The following CSMD1 variants were observed in gnomAD, a reference collection of about 807,000 sequenced individuals.
CSMD1 encodes the protein CUB and Sushi multiple domains 1.
A neutral mutation model predicts 417.5 loss-of-function variants in CSMD1; 213 were observed. The ratio of observed to expected loss-of-function variants is 0.51; its 90% CI spans 0.46 to 0.57. The LOEUF (loss-of-function observed/expected upper bound fraction) is 0.57, where lower values mean the gene tolerates loss of function less well. CSMD1 is among the 20% of genes least tolerant of loss of function. The probability of loss-of-function intolerance (pLI) is 0.00; values close to 1 mark genes in which losing one functional copy is unlikely to be tolerated. For missense variants in CSMD1, 6,923 were observed against 4,529.7 expected (o/e 1.53, Z -15.17); for synonymous variants, 2,862 against 1,736.8 (o/e 1.65, Z -16.11).
chr8:3,780,526 T>G (rs949598434), intron 5 of CSMD1, among the ~76,000 whole-genome samples: 3 of 152,224 alleles, frequency 2.0e-5, no homozygotes, highest in Non-Finnish European at 4.4e-5. Flanking sequence ...GTGGTACTAC[T>G]GAATTGGATG....
chr8:3,173,169 A>G lies in CSMD1; in HGVS notation c.5725+7941T>C, dbSNP rs192123923. Reference sequence around the variant, plus strand: ...TTGGCACCTGTCCCTTACACTGAGTAATTGTTAAAACGCCAAAATATCACC... The same window carrying G: ...TTGGCACCTGTCCCTTACACTGAGTGATTGTTAAAACGCCAAAATATCACC... On this transcript the variant is annotated intron_variant, in intron 37 of 69. Coordinates refer to ENST00000635120, the MANE Select transcript of CSMD1 (RefSeq NM_033225.6). 3.7e-3 allele frequency among the ~76,000 whole-genome samples: 557 copies of G among 152,342 alleles called. 7 individuals carry two copies. Among genetic ancestry groups the G allele is most frequent in the Non-Finnish European group, 3.3e-3 (227 of 68,036 alleles).
At chr8:4,459,153 C>T (rs991102824) in intron 2 of CSMD1, among the ~76,000 whole-genome samples, 8 of 152,222 alleles carry the variant, frequency 5.3e-5, no homozygotes, top group African/African-American at 1.9e-4. Context: ...TCACAAGCTT[C>T]ATAGGCAAAG....
intron 40 of CSMD1, among the ~76,000 whole-genome samples, chr8:3,144,262 C>A (rs117333031): frequency 0.013 from 1,955 of 147,612 alleles, 22 homozygotes; most frequent in South Asian, 0.035. Flanking sequence ...AAAGGCCTCA[C>A]TTTTTCTGGT....
intron 1 of CSMD1, among the ~76,000 whole-genome samples, chr8:4,937,722 C>T (rs1355242422): frequency 2.0e-5 from 3 of 152,034 alleles, no homozygotes; most frequent in African/African-American, 7.3e-5. Flanking sequence ...TGACTTTACG[C>T]CTGAGCAGAG....
intron 1 of CSMD1, among the ~76,000 whole-genome samples, chr8:4,713,640 A>C (rs1325271616): frequency 6.6e-6 from 1 of 152,124 alleles, no homozygotes; most frequent in Non-Finnish European, 1.5e-5. Context: ...CAATATAAAA[A>C]AGTGGAACGT....
At chr8:3,911,020 C>A (rs1463074890) in intron 5 of CSMD1, among the ~76,000 whole-genome samples, 1 of 152,130 alleles carries the variant, frequency 6.6e-6, no homozygotes, top group African/African-American at 2.4e-5. Context: ...TATTCAGGGG[C>A]TGCCCAGCTA....
intron 5 of CSMD1, among the ~76,000 whole-genome samples, chr8:3,941,993 TCTC>T (rs1399196145): frequency 6.6e-6 from 1 of 151,962 alleles, no homozygotes; most frequent in Non-Finnish European, 1.5e-5. Flanking sequence ...CCACCTGCAC[TCTC>T]CTCCTGTCAG....
At chr8:4,193,634 G>A (rs945680076) in intron 3 of CSMD1, among the ~76,000 whole-genome samples, 2 of 152,088 alleles carry the variant, frequency 1.3e-5, no homozygotes, top group Non-Finnish European at 2.9e-5. Context: ...GTGCTGTCAA[G>A]GGAGGCCCAG....
intron 52 of CSMD1, among the ~76,000 whole-genome samples, chr8:3,018,262 T>C (rs1012893013): frequency 4.6e-5 from 7 of 152,256 alleles, no homozygotes; most frequent in African/African-American, 1.7e-4. Flanking sequence ...ATTGCCTTTA[T>C]GGCACTTAAG....
At chr8:4,792,161 A>G (rs1010622212) in intron 1 of CSMD1, among the ~76,000 whole-genome samples, 3 of 152,052 alleles carry the variant, frequency 2.0e-5, no homozygotes, top group Admixed American at 6.6e-5. Context: ...CCTCCTTCCT[A>G]TCTTTCTTTC....
At chr8:3,995,385 C>T (rs1815128748) in intron 5 of CSMD1, among the ~76,000 whole-genome samples, 1 of 144,962 alleles carries the variant, frequency 6.9e-6, no homozygotes, top group African/African-American at 2.4e-5. Flanking sequence ...ACACACAAAA[C>T]ACTCTGTTGA....
In CSMD1 at chr8:3,544,124, C is replaced by T. The variant is rs768526438; in HGVS notation, c.1344+30821G>A. On this transcript the variant is annotated intron_variant, in intron 10 of 69. Coordinates refer to ENST00000635120, the MANE Select transcript of CSMD1 (RefSeq NM_033225.6). ...CATCTTGAGTGAGGGCTTGGTAAAA[C>T]GAGCCTGGGACGTGCTGGGCTGCAT... is the stretch of plus-strand genomic sequence containing the variant. Among the ~76,000 whole-genome samples, 120 of 152,152 alleles carry T rather than the reference C, an allele frequency of 7.9e-4. No individual in the cohort carries two copies. The Middle Eastern group carries it at 0.01, about 13-fold the overall frequency.
At chr8:4,392,107 C>T (rs906258956) in intron 3 of CSMD1, among the ~76,000 whole-genome samples, 1 of 152,192 alleles carries the variant, frequency 6.6e-6, no homozygotes, top group African/African-American at 2.4e-5. Context: ...GAAAGACCAG[C>T]AGAATCTGTA....
chr8:4,678,751 A>T (rs985349968), intron 1 of CSMD1, among the ~76,000 whole-genome samples: 4 of 152,200 alleles, frequency 2.6e-5, no homozygotes, highest in African/African-American at 9.6e-5. Flanking sequence ...CAAAATAAAT[A>T]TCTACAGGAA....
chr8:3,691,304 T>C (rs1263371691), intron 7 of CSMD1, among the ~76,000 whole-genome samples: 2 of 151,826 alleles, frequency 1.3e-5, no homozygotes, highest in Non-Finnish European at 2.9e-5. Flanking sequence ...GAGGCGGAGG[T>C]TGCAGTGAGC....
intron 1 of CSMD1, among the ~76,000 whole-genome samples, chr8:4,898,302 A>G (rs1282517346): frequency 6.6e-6 from 1 of 152,126 alleles, no homozygotes; most frequent in Non-Finnish European, 1.5e-5. Context: ...TATTTTTCCA[A>G]GACACCTGTC....
intron 1 of CSMD1, among the ~76,000 whole-genome samples, chr8:4,959,710 C>T (rs1311027102): frequency 6.6e-6 from 1 of 152,216 alleles, no homozygotes; most frequent in Non-Finnish European, 1.5e-5. Flanking sequence ...TCTCTCAGTT[C>T]ACGGAATGTC....
intron 1 of CSMD1, among the ~76,000 whole-genome samples, chr8:4,752,283 A>T (rs1402842568): frequency 2.0e-5 from 3 of 152,134 alleles, no homozygotes; most frequent in African/African-American, 7.2e-5. Context: ...TTCATTTATG[A>T]GCATTTAAAA....
At chr8:3,858,151 A>G (rs573914974) in intron 5 of CSMD1, among the ~76,000 whole-genome samples, 1 of 152,316 alleles carries the variant, frequency 6.6e-6, no homozygotes, top group South Asian at 2.1e-4. Context: ...TAGAGGTAGA[A>G]ATGGAGGCTT....
Sources: gnomAD v4.1 joint callset for allele counts (sites outside exome capture counted in the v4.1 genomes callset) on GRCh38, gnomAD v4.1.1 for gene constraint, MANE v1.5 for transcripts, NCBI Gene and HGNC (gene_info 2026-07-23, HGNC 2026-07-21) for gene names.